Variants in CDH18 observed in about 807,000 individuals in gnomAD.
CDH18 encodes the protein cadherin 18, also known as cadherin-18.
Under a neutral mutation model 67.9 loss-of-function variants are expected in CDH18, and 31 were observed. That is an observed-to-expected ratio of 0.46 (90% CI 0.34 to 0.62). The LOEUF (loss-of-function observed/expected upper bound fraction) is 0.62, where lower values mean the gene tolerates loss of function less well. CDH18 is among the 20% of genes least tolerant of loss of function. The pLI is 0.01. For synonymous variants in CDH18, 362 were observed against 347.2 expected, an observed-to-expected ratio of 1.04 and a Z score of -0.48; for missense variants, 890 against 975.5, an observed-to-expected ratio of 0.91 and a Z score of 1.17.
In CDH18 at chr5:19,781,953, T is replaced by C. The variant is rs79783552; in HGVS notation, c.229-34717A>G. ...ATCAATTTCCCCTTTGGCTTTATAA[T>C]CATTTATTTTCTGGAAAGAAAAATA... On this transcript the variant is annotated intron_variant, in intron 3 of 12. Coordinates refer to ENST00000382275, the MANE Select transcript of CDH18 (RefSeq NM_004934.5). 5.4e-4 allele frequency among the ~76,000 whole-genome samples: 82 copies of C among 152,316 alleles called. 2 individuals are homozygous for C. The East Asian group carries it at 0.015, about 29-fold the overall frequency.
chr5:19,671,188 T>A (rs1758703075), intron 5 of CDH18, among the ~76,000 whole-genome samples: 2 of 152,150 alleles, frequency 1.3e-5, no homozygotes, highest in Admixed American at 1.3e-4. Flanking sequence ...GGACAGGGAC[T>A]GAGCAGTCAA....
chr5:19,873,411 G>A (rs1188064633), intron 2 of CDH18, among the ~76,000 whole-genome samples: 1 of 152,022 alleles, frequency 6.6e-6, no homozygotes, highest in Non-Finnish European at 1.5e-5. Flanking sequence ...GGAAATTCTG[G>A]TTGTGTTAAC....
chr5:20,107,909 TC>T (rs1290323986), intron 2 of CDH18, among the ~76,000 whole-genome samples: 6 of 102,512 alleles, frequency 5.9e-5, no homozygotes, highest in South Asian at 4.4e-4. Flanking sequence ...ATGCTATCCC[TC>T]CCCCCTCCCC....
chr5:20,220,369 T>C (rs1333619958), intron 2 of CDH18, among the ~76,000 whole-genome samples: 1 of 151,908 alleles, frequency 6.6e-6, no homozygotes, highest in Non-Finnish European at 1.5e-5. Context: ...AAAAACATAC[T>C]CTAGGAAAAG....
At chr5:20,221,395 G>T (rs1054592034) in intron 2 of CDH18, among the ~76,000 whole-genome samples, 16 of 152,098 alleles carry the variant, frequency 1.1e-4, no homozygotes, top group Admixed American at 1.3e-4. Flanking sequence ...CCACTCATGT[G>T]TGGAATCTGA....
chr5:20,149,785 T>G (rs1413154300), intron 2 of CDH18, among the ~76,000 whole-genome samples: 1 of 152,170 alleles, frequency 6.6e-6, no homozygotes, highest in Non-Finnish European at 1.5e-5. Context: ...CTGTCCACAT[T>G]TTCTCATAAT....
chr5:19,479,629 G>A (rs1739062344), intron 12 of CDH18, among the ~76,000 whole-genome samples: 1 of 151,898 alleles, frequency 6.6e-6, no homozygotes, highest in African/African-American at 2.4e-5. Context: ...TGTCCACCAC[G>A]TGTTCACACC....
At chr5:20,279,079 G>A (rs981427839) in intron 1 of CDH18, among the ~76,000 whole-genome samples, 1 of 151,968 alleles carries the variant, frequency 6.6e-6, no homozygotes, top group Non-Finnish European at 1.5e-5. Context: ...ATGTAAATGG[G>A]CTAAACTATC....
chr5:19,555,499 G>A (rs1377536243), intron 8 of CDH18, among the ~76,000 whole-genome samples: 2 of 152,122 alleles, frequency 1.3e-5, no homozygotes, highest in African/African-American at 2.4e-5. Context: ...TGGGGCTGCC[G>A]GCTCTTCCCC....
intron 2 of CDH18, among the ~76,000 whole-genome samples, chr5:20,013,875 T>C (rs780068525): frequency 3.9e-5 from 6 of 152,148 alleles, no homozygotes; most frequent in Non-Finnish European, 7.4e-5. Context: ...TAGCCAAGTA[T>C]ATATTTGATA....
chr5:20,305,584 C>G lies in CDH18; in HGVS notation c.-579-50079G>C, dbSNP rs376721146. On this transcript the variant is annotated intron_variant, in intron 1 of 14. Coordinates refer to the CDH18 transcript ENST00000507958. ...GGGCGCTCGGCCGCTTCCGGTCCTGCGCTGCGGGCCTCAGAGGACTTGGTG... is the reference window on the plus strand; with the variant it reads ...GGGCGCTCGGCCGCTTCCGGTCCTGGGCTGCGGGCCTCAGAGGACTTGGTG... 14 of 574,472 alleles carry G rather than the reference C, an allele frequency of 2.4e-5. 1 individual carries two copies. The highest frequency in any genetic ancestry group is 3.6e-4 in the Middle Eastern group (1 of 2,744). The allele number at this position is 574,472 out of a possible 1,614,324, so 35.6% of individuals were successfully genotyped here.
intron 1 of CDH18, among the ~76,000 whole-genome samples, chr5:20,560,080 C>T (rs552987118): frequency 6.6e-6 from 1 of 152,244 alleles, no homozygotes; most frequent in East Asian, 1.9e-4. Flanking sequence ...CAAACAGCTG[C>T]TAAGTGCAGG....
chr5:20,146,806 T>C (rs1432631175), intron 2 of CDH18, among the ~76,000 whole-genome samples: 5 of 151,956 alleles, frequency 3.3e-5, no homozygotes, highest in Non-Finnish European at 7.4e-5. Flanking sequence ...CATTTAAAAA[T>C]GTGATTATGT....
intron 3 of CDH18, among the ~76,000 whole-genome samples, chr5:19,775,058 T>G (rs1250337980): frequency 6.6e-6 from 1 of 151,954 alleles, no homozygotes; most frequent in Non-Finnish European, 1.5e-5. Context: ...ACAGGAACCC[T>G]TCAGAGCCAA....
intron 2 of CDH18, among the ~76,000 whole-genome samples, chr5:20,190,323 G>A (rs1355913421): frequency 6.6e-6 from 1 of 152,096 alleles, no homozygotes; most frequent in East Asian, 1.9e-4. Context: ...TTCTGAGTCA[G>A]TTCAGTGTAT....
Position 20,072,184 on chromosome 5 carries a change from C to G in CDH18, c.-517-80170G>C, listed in dbSNP as rs369091703. Among the ~76,000 whole-genome samples, 253 of 152,108 alleles carry G rather than the reference C, an allele frequency of 1.7e-3. 11 individuals carry two copies. In the South Asian group the frequency reaches 0.05, roughly 30 times the overall value. On this transcript the variant is annotated intron_variant, in intron 2 of 14. Coordinates refer to the CDH18 transcript ENST00000507958. ...GCAGCAAAAAGATTCTCAAGGAAAA[C>G]TACACAGTAACTAAAAATTGAGTTG...
intron 1 of CDH18, among the ~76,000 whole-genome samples, chr5:20,256,170 G>A (rs1744220052): frequency 6.6e-6 from 1 of 151,900 alleles, no homozygotes; most frequent in Non-Finnish European, 1.5e-5. Context: ...TAATATATAT[G>A]TTGTATGTAT....
chr5:20,240,257 T>G (rs1215603753), intron 2 of CDH18, among the ~76,000 whole-genome samples: 4 of 140,300 alleles, frequency 2.9e-5, no homozygotes, highest in Non-Finnish European at 4.6e-5. Context: ...TTTTATCAAA[T>G]TAAATTTTAG....
intron 1 of CDH18, among the ~76,000 whole-genome samples, chr5:20,513,124 C>A (rs908363612): frequency 6.6e-6 from 1 of 152,058 alleles, no homozygotes; most frequent in East Asian, 1.9e-4. Flanking sequence ...TGAAAAAATA[C>A]TTATTAATAT....
Sources: allele counts gnomAD v4.1 joint callset (sites outside exome capture counted in the v4.1 genomes callset), GRCh38; gene constraint gnomAD v4.1.1; transcripts MANE v1.5; gene names NCBI Gene and HGNC (gene_info 2026-07-23, HGNC 2026-07-21).